Variants in ANXA6 observed in about 807,000 individuals in gnomAD.
The protein encoded by ANXA6 is 67 kDa calelectrin.
Under a neutral mutation model 95.4 loss-of-function variants are expected in ANXA6, and 71 were observed. The ratio of observed to expected loss-of-function variants is 0.74; its 90% CI spans 0.61 to 0.91. The LOEUF (loss-of-function observed/expected upper bound fraction) is 0.91, where lower values mean the gene tolerates loss of function less well. Among genes scored for constraint, ANXA6 ranks in the 40% least tolerant of loss-of-function variants. The probability of loss-of-function intolerance (pLI) is 0.00; values close to 1 mark genes in which losing one functional copy is unlikely to be tolerated. For missense variants in ANXA6, 830 were observed against 876.4 expected (o/e 0.95, Z 0.67); for synonymous variants, 289 against 315.9 (o/e 0.91, Z 0.90).
chr5:151,140,327 C>G (rs984807443), intron 2 of ANXA6, 84 bp from the exon 3 acceptor site: 14 of 1,170,348 alleles, frequency 1.2e-5, no homozygotes, highest in African/African-American at 1.5e-5. Context: ...AGATGCCTAC[C>G]CTGGTCCAGG....
intron 20 of ANXA6, 49 bp downstream of exon 20, chr5:151,117,078 A>T: frequency 6.6e-7 from 1 of 1,515,988 alleles, no homozygotes; most frequent in East Asian, 2.4e-5. Flanking sequence ...CTGGACCTAC[A>T]TCTCAGGGAC....
intron 8 of ANXA6, 26 bp from the exon 9 acceptor site, chr5:151,133,213 C>A: frequency 6.5e-7 from 1 of 1,530,738 alleles, no homozygotes; most frequent in Non-Finnish European, 8.9e-7. Flanking sequence ...TGGCACTTGA[C>A]TGAAAGAGGA....
At position 151,117,117 on chromosome 5, in the gene ANXA6, G is replaced by T. The variant is rs2113907988; in HGVS notation, c.1572+10C>A. On this transcript the variant is annotated intron_variant, in intron 20 of 25. Transcript: ENST00000354546. ...CGGCAGAGGTGACTGGGGTGGGCTG[G>T]GGGTCTTACCTGGGCATCTTCCCGT... 6.3e-7 allele frequency: 1 copy of T among 1,583,990 alleles called. No individual in the cohort carries two copies. The highest frequency in any genetic ancestry group is 2.3e-5 in the East Asian group (1 of 42,824).
chr5:151,112,890 A>T (rs1377356363), intron 20 of ANXA6, among the ~76,000 whole-genome samples: 1 of 152,246 alleles, frequency 6.6e-6, no homozygotes, highest in Non-Finnish European at 1.5e-5. Flanking sequence ...TCATAAAAGC[A>T]TAAATACTGT....
chr5:151,101,705 A>T (rs1400225596), intron 25 of ANXA6, among the ~76,000 whole-genome samples, 198 bp from the exon 26 acceptor site: 1 of 152,128 alleles, frequency 6.6e-6, no homozygotes, highest in African/African-American at 2.4e-5. Context: ...CCCCAGGAAG[A>T]TATGCAAGCT....
At position 151,138,694 on chromosome 5, in the gene ANXA6, A is replaced by G. The variant is rs1466741193; in HGVS notation, c.302T>C (p.Ile101Thr). 3 of 1,613,554 alleles carry G rather than the reference A, an allele frequency of 1.9e-6. No individual in the cohort carries two copies. The highest frequency in any genetic ancestry group is 2.5e-6 in the Non-Finnish European group (3 of 1,179,538). The change falls in exon 5 of 26, where the codon ATT becomes ACT. Residue 101 changes from isoleucine (I) to threonine (T), a missense_variant. Transcript: ENST00000354546. Reference sequence around the variant, plus strand: ...ACTTCTTACCGAGATGGCATCTTTAATTTCTTTGGCATCACAATAGGCAGG... The same window carrying G: ...ACTTCTTACCGAGATGGCATCTTTAGTTTCTTTGGCATCACAATAGGCAGG... ...RPPAYCDAKE[I>T]KDAISGIGTD...
At chr5:151,114,270 G>T (rs1764932038) in intron 20 of ANXA6, among the ~76,000 whole-genome samples, 1 of 152,050 alleles carries the variant, frequency 6.6e-6, no homozygotes, top group African/African-American at 2.4e-5. Flanking sequence ...ACTTTAAATG[G>T]GTCAATAGTG....
intron 20 of ANXA6, among the ~76,000 whole-genome samples, chr5:151,111,385 A>T (rs1307218670): frequency 6.6e-6 from 1 of 152,186 alleles, no homozygotes; most frequent in South Asian, 2.1e-4. Context: ...ACTTTATTCT[A>T]TTGGATAGAC....
chr5:151,145,877 C>T (rs1388903196), intron 2 of ANXA6, among the ~76,000 whole-genome samples: 1 of 152,102 alleles, frequency 6.6e-6, no homozygotes, highest in East Asian at 1.9e-4. Context: ...CCCAGTTGTC[C>T]CTGCCTAGAC....
rs61352316 is a variant in ANXA6 at position 151,140,577 on chromosome 5, A to AATATATATATATATATAT, written c.19-352_19-335dup. On this transcript the variant is annotated intron_variant, in intron 2 of 25. Transcript: ENST00000354546. ...ATCCCTGCAAGAATAGCAAGAGTCA[A>AATATATATATATATATAT]ATATATATATATATATATATATATA... is the stretch of plus-strand genomic sequence containing the variant. 21 of 143,840 alleles carry AATATATATATATATATAT rather than the reference A, an allele frequency of 1.5e-4. 1 individual carries two copies. Among genetic ancestry groups the AATATATATATATATATAT allele is most frequent in the African/African-American group, 5.1e-4 (18 of 35,520 alleles). 8.9% of individuals were successfully genotyped at this position (143,840 alleles called of 1,614,324 possible).
chr5:151,138,857 T>C, intron 4 of ANXA6, 66 bp from the exon 5 acceptor site: 1 of 1,111,506 alleles, frequency 9.0e-7, no homozygotes, highest in Non-Finnish European at 1.4e-6. Context: ...CGGTAAGAAT[T>C]ACACTTAATG....
chr5:151,116,887 G>A (rs1765014346), intron 20 of ANXA6, among the ~76,000 whole-genome samples: 1 of 152,198 alleles, frequency 6.6e-6, no homozygotes, highest in African/African-American at 2.4e-5. Flanking sequence ...GCTTTGACCT[G>A]GGTGATCTGC....
chr5:151,128,926 A>G (rs1765408505), intron 12 of ANXA6, among the ~76,000 whole-genome samples: 1 of 151,134 alleles, frequency 6.6e-6, no homozygotes, highest in African/African-American at 2.4e-5. Context: ...GTCACCCCAT[A>G]AAGTTTTATT....
At chr5:151,102,345 C>G (rs779321563) in intron 25 of ANXA6, among the ~76,000 whole-genome samples, 2 of 152,134 alleles carry the variant, frequency 1.3e-5, no homozygotes, top group Non-Finnish European at 2.9e-5. Flanking sequence ...CAAGTAGAAC[C>G]AAGCATCAGA....
At chr5:151,118,833 G>A (rs947880793) in intron 18 of ANXA6, among the ~76,000 whole-genome samples, 2 of 152,174 alleles carry the variant, frequency 1.3e-5, no homozygotes, top group African/African-American at 4.8e-5. Context: ...CTCCCAAAGT[G>A]CTGGGATTAC....
At chr5:151,144,121 C>A (rs9324683) in intron 2 of ANXA6, among the ~76,000 whole-genome samples, 1 of 152,050 alleles carries the variant, frequency 6.6e-6, no homozygotes, top group Non-Finnish European at 1.5e-5. Context: ...GCAGCTCTAG[C>A]CCTGCTGGGC....
chr5:151,154,149 G>T (rs1024204742), intron 1 of ANXA6, among the ~76,000 whole-genome samples: 31 of 151,926 alleles, frequency 2.0e-4, no homozygotes, highest in Admixed American at 1.7e-3. Flanking sequence ...ATCAAGCAGG[G>T]GCGTGTTTTT....
Position 151,124,729 on chromosome 5 carries a change from C to T in ANXA6, c.1057-362G>A, listed in dbSNP as rs78632019. Among the ~76,000 whole-genome samples the T allele has an allele frequency of 7.9e-3, 1,199 of 152,314 alleles. 8 individuals carry two copies. Among genetic ancestry groups the T allele is most frequent in the Non-Finnish European group, 0.013 (887 of 68,010 alleles). Reference sequence around the variant, plus strand: ...CGGGGCATCCCCAATTCTTCTGAATCCTACCCTGCCCCCGAGGCCCCCTCT... The same window carrying T: ...CGGGGCATCCCCAATTCTTCTGAATTCTACCCTGCCCCCGAGGCCCCCTCT... On this transcript the variant is annotated intron_variant, in intron 14 of 25. Coordinates refer to ENST00000354546, the MANE Select transcript of ANXA6 (RefSeq NM_001155.5).
chr5:151,113,679 C>T (rs1269452207), intron 20 of ANXA6, among the ~76,000 whole-genome samples: 1 of 152,036 alleles, frequency 6.6e-6, no homozygotes, highest in East Asian at 1.9e-4. Context: ...TAATATTCAC[C>T]ACAAAAGCTT....
Sources: gnomAD v4.1 joint callset for allele counts (sites outside exome capture counted in the v4.1 genomes callset) on GRCh38, gnomAD v4.1.1 for gene constraint, MANE v1.5 for transcripts, NCBI Gene and HGNC (gene_info 2026-07-23, HGNC 2026-07-21) for gene names.